The following UVRAG variants were observed in gnomAD, a reference collection of about 807,000 sequenced individuals.
UVRAG encodes UV radiation resistance-associated gene protein.
A neutral mutation model predicts 78.0 loss-of-function variants in UVRAG; 19 were observed. The ratio of observed to expected loss-of-function variants is 0.24; its 90% CI spans 0.17 to 0.36. The LOEUF (loss-of-function observed/expected upper bound fraction) is 0.36, where lower values mean the gene tolerates loss of function less well. Ranked by LOEUF, UVRAG falls within the 10% of genes least tolerant of loss-of-function variation. The pLI, the probability that UVRAG is intolerant of heterozygous loss-of-function variation, is 1.00. For missense variants in UVRAG, 740 were observed against 853.8 expected (o/e 0.87, Z 1.66); for synonymous variants, 323 against 324.6 (o/e 1.00, Z 0.05).
intron 3 of UVRAG, among the ~76,000 whole-genome samples, chr11:75,877,868 C>A (rs1946836867): frequency 7.0e-6 from 1 of 142,118 alleles, no homozygotes; most frequent in Non-Finnish European, 1.5e-5. Flanking sequence ...GGGGGCTGAC[C>A]CCCCCACCTC....
intron 4 of UVRAG, among the ~76,000 whole-genome samples, chr11:75,885,658 T>G (rs1947058766): frequency 6.6e-6 from 1 of 152,142 alleles, no homozygotes; most frequent in Non-Finnish European, 1.5e-5. Flanking sequence ...GTTCTATAGT[T>G]TCCATATTAG....
In UVRAG at chr11:75,885,609, G is replaced by A. The variant is rs568526866; in HGVS notation, c.433-3220G>A. 4.8e-4 allele frequency among the ~76,000 whole-genome samples: 73 copies of A among 152,102 alleles called. No homozygotes were observed. In the South Asian group the frequency reaches 0.013, roughly 28 times the overall value. On this transcript the variant is annotated intron_variant, in intron 4 of 14. Coordinates refer to ENST00000356136, the MANE Select transcript of UVRAG (RefSeq NM_003369.4). Reference sequence around the variant, plus strand: ...TGTCTTAAAAAGTATGCTGTTTTTCGTAAAGATATCAAAATACGAGGTTGT... The same window carrying A: ...TGTCTTAAAAAGTATGCTGTTTTTCATAAAGATATCAAAATACGAGGTTGT...
At chr11:75,878,023 C>T (rs75381794) in intron 3 of UVRAG, among the ~76,000 whole-genome samples, 7 of 146,814 alleles carry the variant, frequency 4.8e-5, no homozygotes, top group African/African-American at 1.8e-4. Context: ...ACTTCCCAGA[C>T]GGGGTGGCTG....
chr11:76,039,900 G>T (rs1486603079), intron 12 of UVRAG, among the ~76,000 whole-genome samples: 2 of 151,992 alleles, frequency 1.3e-5, no homozygotes, highest in Non-Finnish European at 2.9e-5. Context: ...TAAATAAAAA[G>T]GGTGAAAGAC....
At chr11:75,919,077 C>A (rs927093027) in intron 6 of UVRAG, among the ~76,000 whole-genome samples, 3 of 152,078 alleles carry the variant, frequency 2.0e-5, no homozygotes, top group Admixed American at 6.5e-5. Flanking sequence ...CTATAAAATT[C>A]CAATTTTAAC....
At chr11:76,140,647 A>G (rs1365128642) in intron 14 of UVRAG, 64 bp from the exon 15 acceptor site, 24 of 1,456,416 alleles carry the variant, frequency 1.6e-5, no homozygotes, top group Non-Finnish European at 2.2e-5. Context: ...CTGTCTCTGG[A>G]TCCAGAAGGC....
chr11:76,024,916 T>A (rs1047686895), intron 12 of UVRAG, among the ~76,000 whole-genome samples: 1 of 152,238 alleles, frequency 6.6e-6, no homozygotes, highest in East Asian at 1.9e-4. Flanking sequence ...AATGACTCAT[T>A]GGATAAATTA....
At chr11:75,914,203 A>G (rs1240090914) in intron 6 of UVRAG, 3 of 152,166 alleles carry the variant, frequency 2.0e-5, no homozygotes, top group Admixed American at 6.5e-5. Flanking sequence ...CTATTAAATG[A>G]TCCTCTTTTC....
intron 13 of UVRAG, 78 bp from the exon 14 acceptor site, chr11:76,115,845 AT>A: frequency 3.8e-6 from 5 of 1,300,316 alleles, no homozygotes; most frequent in Non-Finnish European, 5.5e-6. Context: ...GTTCAAAAAA[AT>A]AACTTGTTTA....
At chr11:75,966,331 G>T (rs1227525245) in intron 7 of UVRAG, among the ~76,000 whole-genome samples, 3 of 152,082 alleles carry the variant, frequency 2.0e-5, no homozygotes, top group African/African-American at 7.2e-5. Flanking sequence ...ATTTATCAGG[G>T]ATGTTGTGAT....
intron 13 of UVRAG, among the ~76,000 whole-genome samples, chr11:76,083,670 ATTACT>A (rs1951537706): frequency 6.6e-6 from 1 of 152,208 alleles, no homozygotes; most frequent in Non-Finnish European, 1.5e-5. Context: ...GGAAGAGGAA[ATTACT>A]TTGTATAACC....
chr11:75,882,064 C>T lies in UVRAG; in HGVS notation c.432+2024C>T, dbSNP rs555227105. Among the ~76,000 whole-genome samples, 18 of 152,246 alleles carry T rather than the reference C, an allele frequency of 1.2e-4. No individual in the cohort carries two copies. The East Asian group carries it at 3.3e-3, about 28-fold the overall frequency. On this transcript the variant is annotated intron_variant, in intron 4 of 14. Transcript: ENST00000356136. ...GAATCTCATTTCTATTTTGTGATGC[C>T]TATGGTACTACTATTAAAGGTAACC... is the stretch of plus-strand genomic sequence containing the variant.
Position 75,970,658 on chromosome 11 carries a change from G to A in UVRAG, c.699+9109G>A, listed in dbSNP as rs557461074. On this transcript the variant is annotated intron_variant, in intron 7 of 14. Transcript: ENST00000356136. ...TGAGGCAGGAGAATGGTGTGAACCC[G>A]GGAGGCAGAGCTTGCAGTGAGCTGA... 2.8e-4 allele frequency among the ~76,000 whole-genome samples: 42 copies of A among 151,458 alleles called. 1 individual carries two copies. The highest frequency in any genetic ancestry group is 6.8e-3 in the Middle Eastern group (2 of 294).
chr11:75,940,089 T>C (rs1167891763), intron 6 of UVRAG, among the ~76,000 whole-genome samples: 5 of 152,170 alleles, frequency 3.3e-5, no homozygotes, highest in Non-Finnish European at 5.9e-5. Flanking sequence ...ATAAGGCTAT[T>C]TGCATAACTC....
At chr11:76,112,347 A>G (rs1023603935) in intron 13 of UVRAG, among the ~76,000 whole-genome samples, 2 of 152,216 alleles carry the variant, frequency 1.3e-5, no homozygotes, top group African/African-American at 4.8e-5. Context: ...TAGGCAAACT[A>G]TCATTCAAGT....
At chr11:75,947,547 G>C (rs147204702) in intron 6 of UVRAG, among the ~76,000 whole-genome samples, 2 of 152,234 alleles carry the variant, frequency 1.3e-5, no homozygotes, top group Non-Finnish European at 2.9e-5. Context: ...TACTGAGCTT[G>C]GACACATATA....
intron 14 of UVRAG, among the ~76,000 whole-genome samples, chr11:76,117,762 G>C (rs537201015): frequency 6.6e-6 from 1 of 152,192 alleles, no homozygotes; most frequent in African/African-American, 2.4e-5. Context: ...AGATAGGGCT[G>C]AGCCAAGAAT....
At chr11:76,093,348 T>C (rs1471011765) in intron 13 of UVRAG, among the ~76,000 whole-genome samples, 1 of 152,334 alleles carries the variant, frequency 6.6e-6, no homozygotes, top group East Asian at 1.9e-4. Flanking sequence ...CGGGCTCTTT[T>C]TTGGTTCCAT....
intron 6 of UVRAG, among the ~76,000 whole-genome samples, chr11:75,955,555 C>T (rs1449795482): frequency 6.6e-6 from 1 of 152,082 alleles, no homozygotes; most frequent in East Asian, 1.9e-4. Context: ...CAGTGAAATG[C>T]ACAGATCTTA....
Sources: gnomAD v4.1 joint callset for allele counts (sites outside exome capture counted in the v4.1 genomes callset) on GRCh38, gnomAD v4.1.1 for gene constraint, MANE v1.5 for transcripts, NCBI Gene and HGNC (gene_info 2026-07-23, HGNC 2026-07-21) for gene names.